The following SDK1 variants were observed in gnomAD, a reference collection of about 807,000 sequenced individuals.
SDK1 encodes the protein protein sidekick-1.
In SDK1, 157 loss-of-function variants were observed where a neutral mutation model predicts 245.5. The observed-to-expected ratio is 0.64, with a 90% CI of 0.56 to 0.73. SDK1 has a LOEUF of 0.73. Ranked by LOEUF, SDK1 falls within the 30% of genes least tolerant of loss-of-function variation. SDK1 has a pLI of 0.00. For missense variants in SDK1, 3,583 were observed against 3,002.3 expected (o/e 1.19, Z -4.52); for synonymous variants, 1,647 against 1,278.5 (o/e 1.29, Z -6.15).
At chr7:3,416,817 A>T (rs1779378449) in intron 1 of SDK1, among the ~76,000 whole-genome samples, 1 of 152,106 alleles carries the variant, frequency 6.6e-6, no homozygotes, top group Admixed American at 6.5e-5. Flanking sequence ...TGTCTGTCAG[A>T]TGTTATTTGT....
intron 32 of SDK1, among the ~76,000 whole-genome samples, chr7:4,165,981 G>A (rs1467826916): frequency 6.6e-6 from 1 of 151,510 alleles, no homozygotes; most frequent in African/African-American, 2.4e-5. Flanking sequence ...TAGAGATGGA[G>A]TCTCACTGTA....
intron 40 of SDK1, among the ~76,000 whole-genome samples, chr7:4,228,811 T>G (rs1785583553): frequency 6.6e-6 from 1 of 152,172 alleles, no homozygotes; most frequent in African/African-American, 2.4e-5. Flanking sequence ...GTGCTGAGAT[T>G]ACAGGCGGGA....
At chr7:3,339,909 T>C (rs997150613) in intron 1 of SDK1, among the ~76,000 whole-genome samples, 1 of 151,982 alleles carries the variant, frequency 6.6e-6, no homozygotes, top group Non-Finnish European at 1.5e-5. Flanking sequence ...ATAAAAATCA[T>C]AAAAAGTTAT....
At chr7:4,199,517 A>T (rs1159685522) in intron 35 of SDK1, among the ~76,000 whole-genome samples, 1 of 152,192 alleles carries the variant, frequency 6.6e-6, no homozygotes, top group African/African-American at 2.4e-5. Flanking sequence ...TAAAATGGAA[A>T]TATCTGTAGG....
chr7:4,196,481 G>C (rs1017169344), intron 35 of SDK1, among the ~76,000 whole-genome samples: 1 of 152,130 alleles, frequency 6.6e-6, no homozygotes, highest in Non-Finnish European at 1.5e-5. Flanking sequence ...CGTCTCTCCC[G>C]GGCCTTTGAA....
chr7:3,710,325 A>G (rs970941891), intron 4 of SDK1, among the ~76,000 whole-genome samples: 4 of 152,228 alleles, frequency 2.6e-5, no homozygotes, highest in African/African-American at 9.6e-5. Flanking sequence ...ATCCTCACAT[A>G]CTGAACACAC....
intron 5 of SDK1, among the ~76,000 whole-genome samples, chr7:3,923,709 T>A (rs1268972233): frequency 2.0e-5 from 3 of 152,248 alleles, no homozygotes; most frequent in African/African-American, 7.2e-5. Flanking sequence ...CAGGTCCAAG[T>A]TCACGTTTAG....
intron 40 of SDK1, among the ~76,000 whole-genome samples, chr7:4,228,961 C>T (rs1785593034): frequency 6.6e-6 from 1 of 152,122 alleles, no homozygotes; most frequent in Non-Finnish European, 1.5e-5. Context: ...ACTGTGTGCC[C>T]AGAATTGCCT....
rs546867869 is a variant in SDK1 at position 4,149,632 on chromosome 7, G to A, written c.4625+169G>A. On this transcript the variant is annotated intron_variant, in intron 30 of 44. Transcript: ENST00000404826. ...ATGCTGGGAATCCCAGAACTCCTGG[G>A]TCCTGGAGCTACTTCCAAGGGCCCA... Among the ~76,000 whole-genome samples the A allele has an allele frequency of 4.5e-4, 69 of 152,302 alleles. 1 individual carries two copies. The highest frequency in any genetic ancestry group is 2.9e-3 in the Admixed American group (44 of 15,302).
intron 1 of SDK1, among the ~76,000 whole-genome samples, chr7:3,321,777 T>C (rs1261386777): frequency 2.8e-5 from 1 of 35,992 alleles, no homozygotes; most frequent in African/African-American, 1.6e-4. Context: ...CTTCCTTCCT[T>C]CTCCTTCCTT....
intron 10 of SDK1, among the ~76,000 whole-genome samples, chr7:3,968,719 T>C (rs567207318): frequency 6.6e-6 from 1 of 152,346 alleles, no homozygotes; most frequent in South Asian, 2.1e-4. Flanking sequence ...TGTTCTTGGT[T>C]TTTGTTATTC....
intron 25 of SDK1, among the ~76,000 whole-genome samples, 170 bp downstream of exon 25, chr7:4,114,444 T>A (rs1199796768): frequency 6.6e-6 from 1 of 152,168 alleles, no homozygotes; most frequent in Non-Finnish European, 1.5e-5. Context: ...AATTTCTGTC[T>A]GATTTCATTA....
At chr7:4,082,833 C>G (rs1000232024) in intron 22 of SDK1, among the ~76,000 whole-genome samples, 2 of 152,048 alleles carry the variant, frequency 1.3e-5, no homozygotes, top group African/African-American at 4.8e-5. Flanking sequence ...GTTGCCCAGG[C>G]TGGTCTCGAA....
chr7:3,826,228 T>C (rs895472380), intron 5 of SDK1, among the ~76,000 whole-genome samples: 1 of 152,156 alleles, frequency 6.6e-6, no homozygotes, highest in Non-Finnish European at 1.5e-5. Context: ...CATGAACACC[T>C]AGTTACTTAT....
At chr7:3,983,173 G>A (rs1271608327) in intron 13 of SDK1, among the ~76,000 whole-genome samples, 1 of 152,202 alleles carries the variant, frequency 6.6e-6, no homozygotes, top group Non-Finnish European at 1.5e-5. Context: ...CAAGGCCTTA[G>A]AATATTGCAT....
At chr7:3,579,340 C>T (rs764253227) in intron 1 of SDK1, among the ~76,000 whole-genome samples, 9 of 152,182 alleles carry the variant, frequency 5.9e-5, no homozygotes, top group Non-Finnish European at 7.3e-5. Flanking sequence ...ATCAGGTAGG[C>T]GTTATCCCTG....
chr7:4,212,184 A>C (rs1784546910), intron 38 of SDK1, among the ~76,000 whole-genome samples: 1 of 152,218 alleles, frequency 6.6e-6, no homozygotes, highest in Non-Finnish European at 1.5e-5. Context: ...AGCCGTGATA[A>C]AAGTTTCCTT....
intron 4 of SDK1, among the ~76,000 whole-genome samples, chr7:3,810,434 C>CCTCCTTCAT (rs1779357068): frequency 6.6e-6 from 1 of 152,026 alleles, no homozygotes; most frequent in African/African-American, 2.4e-5. Flanking sequence ...TCCTTCATGC[C>CCTCCTTCAT]GTTCCTCTGC....
intron 4 of SDK1, among the ~76,000 whole-genome samples, chr7:3,684,488 G>A (rs1784214444): frequency 6.6e-6 from 1 of 152,172 alleles, no homozygotes; most frequent in African/African-American, 2.4e-5. Flanking sequence ...TACCCAGCCG[G>A]CCTTTATGCT....
Sources: allele counts gnomAD v4.1 joint callset (sites outside exome capture counted in the v4.1 genomes callset), GRCh38; gene constraint gnomAD v4.1.1; transcripts MANE v1.5; gene names NCBI Gene and HGNC (gene_info 2026-07-23, HGNC 2026-07-21).